The following PLXNA4 variants were observed in gnomAD, a reference collection of about 807,000 sequenced individuals.
PLXNA4 encodes the protein plexin-A4.
Under a neutral mutation model 191.8 loss-of-function variants are expected in PLXNA4, and 44 were observed. The ratio of observed to expected loss-of-function variants is 0.23; its 90% CI spans 0.18 to 0.29. PLXNA4 has a LOEUF of 0.29. PLXNA4 is among the 10% of genes least tolerant of loss of function. The pLI is 1.00. For synonymous variants in PLXNA4, 1,082 were observed against 1,009.5 expected, an observed-to-expected ratio of 1.07 and a Z score of -1.36; for missense variants, 1,800 against 2,488.8, an observed-to-expected ratio of 0.72 and a Z score of 5.89.
chr7:132,430,249 C>T (rs1795209746), intron 3 of PLXNA4, among the ~76,000 whole-genome samples: 1 of 152,156 alleles, frequency 6.6e-6, no homozygotes, highest in Non-Finnish European at 1.5e-5. Flanking sequence ...ATATCAGACA[C>T]ATACAGACAT....
intron 4 of PLXNA4, among the ~76,000 whole-genome samples, chr7:132,281,929 T>C (rs1800492779): frequency 1.3e-5 from 2 of 152,230 alleles, no homozygotes; most frequent in South Asian, 2.1e-4. Context: ...TTTTATAACA[T>C]TGATAATATC....
At chr7:132,183,506 G>A (rs1272654139) in intron 16 of PLXNA4, among the ~76,000 whole-genome samples, 1 of 152,208 alleles carries the variant, frequency 6.6e-6, no homozygotes, top group Non-Finnish European at 1.5e-5. Context: ...CCTCCTAGTG[G>A]GAGCATGATG....
upstream of PLXNA4, among the ~76,000 whole-genome samples, chr7:132,578,427 C>T (rs926777655): frequency 2.0e-5 from 3 of 152,204 alleles, no homozygotes; most frequent in Non-Finnish European, 2.9e-5. Flanking sequence ...CAGAAACTCC[C>T]GCCCATTACT....
intron 2 of PLXNA4, among the ~76,000 whole-genome samples, chr7:132,591,588 G>A (rs1024144895): frequency 2.6e-5 from 4 of 152,088 alleles, no homozygotes; most frequent in Non-Finnish European, 5.9e-5. Flanking sequence ...ATACATACAT[G>A]TGTATATGTT....
intron 10 of PLXNA4, among the ~76,000 whole-genome samples, chr7:132,208,234 G>A (rs1422218465): frequency 6.6e-6 from 1 of 152,200 alleles, no homozygotes; most frequent in African/African-American, 2.4e-5. Flanking sequence ...GAGCCCTCCT[G>A]AACCATGTGA....
intron 2 of PLXNA4, among the ~76,000 whole-genome samples, chr7:132,496,940 T>C (rs1242211961): frequency 6.6e-6 from 1 of 152,190 alleles, no homozygotes; most frequent in Admixed American, 6.5e-5. Context: ...TTCCTGGGTC[T>C]GTGCATCCCA....
At chr7:132,183,648 G>A (rs1224901191) in intron 16 of PLXNA4, among the ~76,000 whole-genome samples, 2 of 152,220 alleles carry the variant, frequency 1.3e-5, no homozygotes, top group Non-Finnish European at 2.9e-5. Context: ...GTCACAAAGG[G>A]CTGCATCAAC....
intron 3 of PLXNA4, among the ~76,000 whole-genome samples, chr7:132,364,338 C>T (rs1483999694): frequency 6.6e-6 from 1 of 152,214 alleles, no homozygotes; most frequent in Non-Finnish European, 1.5e-5. Flanking sequence ...AACGCATTGC[C>T]TTTCTTTGTT....
At chr7:132,609,012 G>T (rs1330591646) in intron 2 of PLXNA4, among the ~76,000 whole-genome samples, 1 of 151,996 alleles carries the variant, frequency 6.6e-6, no homozygotes, top group African/African-American at 2.4e-5. Flanking sequence ...CTACCTGGGG[G>T]GCCCTTCCTA....
intron 29 of PLXNA4, among the ~76,000 whole-genome samples, chr7:132,142,496 G>A (rs1197014318): frequency 1.3e-5 from 2 of 152,226 alleles, no homozygotes; most frequent in African/African-American, 2.4e-5. Flanking sequence ...CCAGCAGCCA[G>A]CATGTACAAA....
At chr7:132,629,928 C>A (rs750889961) in intron 2 of PLXNA4, among the ~76,000 whole-genome samples, 2 of 152,086 alleles carry the variant, frequency 1.3e-5, no homozygotes, top group Non-Finnish European at 2.9e-5. Context: ...CCGCTCACTG[C>A]AAGCTCCACC....
chr7:132,162,533 A>T (rs752979316), intron 24 of PLXNA4, among the ~76,000 whole-genome samples: 1 of 152,210 alleles, frequency 6.6e-6, no homozygotes, highest in Non-Finnish European at 1.5e-5. Context: ...GAGGGTGCTG[A>T]GGAGACAGGA....
At chr7:132,609,645 A>C (rs1240076114) in intron 2 of PLXNA4, among the ~76,000 whole-genome samples, 3 of 152,214 alleles carry the variant, frequency 2.0e-5, no homozygotes, top group Non-Finnish European at 4.4e-5. Flanking sequence ...TATTATCCTC[A>C]CTTTATAGGT....
rs542960684 is a variant in PLXNA4, at chr7:132,160,114, G to GAC, written c.4501-484_4501-483dup. Among the ~76,000 whole-genome samples the GAC allele has an allele frequency of 4.9e-4, 75 of 152,066 alleles. 1 individual carries two copies. The South Asian group carries it at 0.013, about 27-fold the overall frequency. The stretch of plus-strand genomic sequence containing the variant: ...GTCTCCTTCTTGTCACTCCTTCTTG[G>GAC]ACACACACACACAGAACTAATAGGA... On this transcript the variant is annotated intron_variant, in intron 24 of 31. Coordinates refer to ENST00000321063, the MANE Select transcript of PLXNA4 (RefSeq NM_020911.2).
At chr7:132,465,728 C>T (rs1032722589) in intron 3 of PLXNA4, among the ~76,000 whole-genome samples, 4 of 152,030 alleles carry the variant, frequency 2.6e-5, no homozygotes, top group Non-Finnish European at 5.9e-5. Flanking sequence ...TTCAAGTGAG[C>T]AATGTGTTAT....
At chr7:132,391,133 G>C (rs1805392580) in intron 3 of PLXNA4, among the ~76,000 whole-genome samples, 1 of 152,172 alleles carries the variant, frequency 6.6e-6, no homozygotes, top group Non-Finnish European at 1.5e-5. Context: ...TCTGTGCCCA[G>C]CCAGGAGGAC....
rs147285052 is a variant in PLXNA4, at chr7:132,224,021, G to A, written c.1983-380C>T. Among the ~76,000 whole-genome samples, 417 of 152,204 alleles carry A rather than the reference G, an allele frequency of 2.7e-3. 3 individuals carry two copies. Among genetic ancestry groups the A allele is most frequent in the African/African-American group, 9.4e-3 (389 of 41,542 alleles). On this transcript the variant is annotated intron_variant, in intron 8 of 31. Coordinates refer to ENST00000321063, the MANE Select transcript of PLXNA4 (RefSeq NM_020911.2). ...TTAGGTTTGTATGCAAATTGACTCCGGGTCTCTGCTGCTGAGAAGCCACCT... is the reference window on the plus strand; with the variant it reads ...TTAGGTTTGTATGCAAATTGACTCCAGGTCTCTGCTGCTGAGAAGCCACCT...
intron 30 of PLXNA4, among the ~76,000 whole-genome samples, chr7:132,136,695 C>T (rs751995812): frequency 6.6e-6 from 1 of 152,222 alleles, no homozygotes; most frequent in Non-Finnish European, 1.5e-5. Flanking sequence ...GCGTATCTCA[C>T]ATCTGCCTTT....
chr7:132,315,313 TG>T (rs1243097572), intron 3 of PLXNA4, among the ~76,000 whole-genome samples: 1 of 152,198 alleles, frequency 6.6e-6, no homozygotes, highest in Non-Finnish European at 1.5e-5. Flanking sequence ...AAATAAGATT[TG>T]GCTGGTTTCT....
Sources: gnomAD v4.1 joint callset for allele counts (sites outside exome capture counted in the v4.1 genomes callset) on GRCh38, gnomAD v4.1.1 for gene constraint, MANE v1.5 for transcripts, NCBI Gene and HGNC (gene_info 2026-07-23, HGNC 2026-07-21) for gene names.